AKR1D1: variants seen among roughly 807,000 people sequenced by gnomAD.
AKR1D1 encodes the protein delta(4)-3-ketosteroid 5-beta-reductase.
Under a neutral mutation model 42.6 loss-of-function variants are expected in AKR1D1, and 32 were observed. The observed-to-expected ratio is 0.75, with a 90% confidence interval of 0.57 to 1.01. The LOEUF is 1.01. Ranked by LOEUF, AKR1D1 falls within the 50% of genes least tolerant of loss-of-function variation. AKR1D1 has a pLI of 0.00. For missense variants in AKR1D1, 364 were observed against 402.2 expected (o/e 0.91, Z 0.81); for synonymous variants, 123 against 135.5 (o/e 0.91, Z 0.64).
chr7:138,111,154 C>T (rs1324212302), intron 7 of AKR1D1, among the ~76,000 whole-genome samples: 1 of 152,186 alleles, frequency 6.6e-6, no homozygotes. Flanking sequence ...CAATTTCAAA[C>T]ATCCCCCTCT....
At chr7:138,101,493 C>T (rs997143028) in intron 4 of AKR1D1, among the ~76,000 whole-genome samples, 13 of 151,980 alleles carry the variant, frequency 8.6e-5, no homozygotes, top group East Asian at 1.9e-4. Context: ...CCACCGCGCC[C>T]GGCAACATAG....
intron 1 of AKR1D1, among the ~76,000 whole-genome samples, chr7:138,079,990 A>T (rs576979019): frequency 3.0e-4 from 45 of 152,336 alleles, no homozygotes; most frequent in Non-Finnish European, 5.1e-4. Context: ...CCCAAGTGGC[A>T]GGGATGCTTG....
intron 5 of AKR1D1, 102 bp downstream of exon 5, chr7:138,105,531 A>G: frequency 6.6e-7 from 1 of 1,513,604 alleles, no homozygotes; most frequent in South Asian, 1.1e-5. Flanking sequence ...TGATTGCTCC[A>G]CCTAAATCTC....
chr7:138,076,466 TA>T lies in AKR1D1; in HGVS notation c.-48del. On this transcript the variant is annotated 5_prime_UTR_variant, in exon 1 of 9. Coordinates refer to ENST00000242375, the MANE Select transcript of AKR1D1 (RefSeq NM_005989.4). ...TGGAATAGGCCCTAGGACACCTTTC[TA>T]AAAAGACTCCCTGTGGTGTTCAGAA... The T allele has an allele frequency of 1.3e-6, 2 of 1,497,090 alleles. No homozygotes were observed. Among genetic ancestry groups the T allele is most frequent in the Non-Finnish European group, 1.9e-6 (2 of 1,075,158 alleles). 92.7% of individuals were successfully genotyped at this position (1,497,090 alleles called of 1,614,324 possible).
At chr7:138,093,567 T>G (rs557632997) in intron 3 of AKR1D1, among the ~76,000 whole-genome samples, 1 of 152,314 alleles carries the variant, frequency 6.6e-6, no homozygotes, top group South Asian at 2.1e-4. Flanking sequence ...CTGGAGGTTC[T>G]TCCGGAGCAA....
At chr7:138,084,885 G>A (rs1048995690) in intron 1 of AKR1D1, among the ~76,000 whole-genome samples, 43 of 151,740 alleles carry the variant, frequency 2.8e-4, no homozygotes, top group African/African-American at 8.5e-4. Context: ...GTGAAACCCC[G>A]TCTCTACTGA....
chr7:138,102,121 G>A (rs28853972), intron 4 of AKR1D1, among the ~76,000 whole-genome samples: 4,501 of 152,208 alleles, frequency 0.03, 235 homozygotes, highest in African/African-American at 0.1. Flanking sequence ...TGCAGCATGA[G>A]AATCACTTGA....
At chr7:138,093,855 C>T (rs2117438909) in intron 3 of AKR1D1, among the ~76,000 whole-genome samples, 1 of 152,256 alleles carries the variant, frequency 6.6e-6, no homozygotes, top group Non-Finnish European at 1.5e-5. Flanking sequence ...TTTACACCAG[C>T]AACACCACAA....
At chr7:138,078,277 G>A (rs868226169) in intron 1 of AKR1D1, among the ~76,000 whole-genome samples, 36 of 152,020 alleles carry the variant, frequency 2.4e-4, no homozygotes, top group African/African-American at 8.5e-4. Context: ...TTGGAACTTC[G>A]TTCTATAGTA....
rs188981490 is a variant in AKR1D1, at chr7:138,089,908, A to T, written c.261+1140A>T. ...AAGGTTGCCCAGGTCAGAGGCCCAG[A>T]TCTGTCACTATTGGCTGAGTTGCCT... is the stretch of plus-strand genomic sequence containing the variant. On this transcript the variant is annotated intron_variant, in intron 2 of 8. Coordinates refer to ENST00000242375, the MANE Select transcript of AKR1D1 (RefSeq NM_005989.4). Among the ~76,000 whole-genome samples the T allele has an allele frequency of 7.2e-5, 11 of 152,246 alleles. No individual in the cohort carries two copies. In the East Asian group the frequency reaches 1.7e-3, roughly 24 times the overall value.
At chr7:138,081,326 A>G (rs1347685215) in intron 1 of AKR1D1, among the ~76,000 whole-genome samples, 6 of 151,816 alleles carry the variant, frequency 4.0e-5, no homozygotes, top group Non-Finnish European at 7.4e-5. Context: ...CCTTTATCCA[A>G]CTTGAAATTC....
Position 138,115,021 on chromosome 7 carries a change from A to AC in AKR1D1, c.938+1252dup, listed in dbSNP as rs1006917018. Among the ~76,000 whole-genome samples the AC allele has an allele frequency of 4.4e-3, 672 of 152,308 alleles. 2 individuals carry two copies. The highest frequency in any genetic ancestry group is 0.016 in the African/African-American group (645 of 41,570). ...TTGTTTGACATCAAAAGGCACCACC[A>AC]CCCAACCTCAAGAACAAAAGAGTAA... On this transcript the variant is annotated intron_variant, in intron 8 of 8. Coordinates refer to ENST00000242375, the MANE Select transcript of AKR1D1 (RefSeq NM_005989.4).
chr7:138,098,621 C>A (rs1794230259), intron 4 of AKR1D1, among the ~76,000 whole-genome samples: 1 of 152,094 alleles, frequency 6.6e-6, no homozygotes, highest in African/African-American at 2.4e-5. Flanking sequence ...AAAACAGGAA[C>A]AACAACAAAA....
chr7:138,081,834 G>A (rs1297377740), intron 1 of AKR1D1, among the ~76,000 whole-genome samples: 7 of 152,044 alleles, frequency 4.6e-5, no homozygotes, highest in Non-Finnish European at 7.4e-5. Context: ...CACCTGCCTC[G>A]GCCTCCCAAA....
chr7:138,080,104 T>A (rs1803022047), intron 1 of AKR1D1, among the ~76,000 whole-genome samples: 1 of 152,226 alleles, frequency 6.6e-6, no homozygotes, highest in African/African-American at 2.4e-5. Context: ...ACTGCAAGTA[T>A]GGAATATGCT....
chr7:138,114,252 C>T (rs1794590187), intron 8 of AKR1D1, among the ~76,000 whole-genome samples: 1 of 152,188 alleles, frequency 6.6e-6, no homozygotes, highest in Non-Finnish European at 1.5e-5. Flanking sequence ...ATTTTAGTTT[C>T]CAGCTCTACC....
intron 3 of AKR1D1, among the ~76,000 whole-genome samples, chr7:138,095,441 A>G (rs907433762): frequency 6.6e-6 from 1 of 152,232 alleles, no homozygotes; most frequent in Non-Finnish European, 1.5e-5. Flanking sequence ...TAAAGCAGAC[A>G]ATGGGGAAAA....
chr7:138,092,775 A>C (rs1244543208), intron 3 of AKR1D1, among the ~76,000 whole-genome samples: 3 of 152,192 alleles, frequency 2.0e-5, no homozygotes, highest in Non-Finnish European at 4.4e-5. Context: ...AATATGGCAT[A>C]AAAGATAAGA....
intron 4 of AKR1D1, among the ~76,000 whole-genome samples, chr7:138,100,330 C>T (rs1263770472): frequency 1.3e-5 from 2 of 151,800 alleles, no homozygotes; most frequent in East Asian, 3.9e-4. Context: ...GGTCTAAGCA[C>T]CCCAATTAAA....
Sources: gnomAD v4.1 joint callset for allele counts (sites outside exome capture counted in the v4.1 genomes callset) on GRCh38, gnomAD v4.1.1 for gene constraint, MANE v1.5 for transcripts, NCBI Gene and HGNC (gene_info 2026-07-23, HGNC 2026-07-21) for gene names.